The following LRGUK variants were observed in gnomAD, a reference collection of about 807,000 sequenced individuals.
LRGUK encodes leucine rich repeats and guanylate kinase domain containing.
LRGUK carries 65 observed loss-of-function variants against 76.0 expected under a neutral mutation model. The observed-to-expected ratio is 0.85, with a 90% CI of 0.70 to 1.05. The LOEUF (loss-of-function observed/expected upper bound fraction) is 1.05. Among genes scored for constraint, LRGUK ranks in the 50% least tolerant of loss-of-function variants. The pLI, the probability that LRGUK is intolerant of heterozygous loss-of-function variation, is 0.00. For synonymous variants in LRGUK, 268 were observed against 265.6 expected (o/e 1.01, Z -0.09); for missense variants, 758 against 732.8 (o/e 1.03, Z -0.40).
At chr7:134,193,251 A>C (rs1800334284) in intron 12 of LRGUK, among the ~76,000 whole-genome samples, 1 of 152,198 alleles carries the variant, frequency 6.6e-6, no homozygotes, top group Non-Finnish European at 1.5e-5. Flanking sequence ...GTACTCTGGG[A>C]CTTTATGTTT....
intron 3 of LRGUK, chr7:134,141,535 G>A (rs886069366): frequency 6.6e-6 from 1 of 152,322 alleles, no homozygotes; most frequent in Non-Finnish European, 1.5e-5. Flanking sequence ...CCCAGACCAA[G>A]GACTTTTTTC....
chr7:134,170,314 A>G (rs929814211), intron 7 of LRGUK, among the ~76,000 whole-genome samples: 32 of 151,986 alleles, frequency 2.1e-4, no homozygotes, highest in African/African-American at 7.2e-4. Context: ...ATTTTTATGA[A>G]GTCTTTCTCT....
chr7:134,202,094 T>C (rs1254040075), intron 15 of LRGUK, among the ~76,000 whole-genome samples: 1 of 152,170 alleles, frequency 6.6e-6, no homozygotes, highest in East Asian at 1.9e-4. Flanking sequence ...AGCTTCAGTT[T>C]ACTGTTCTGC....
intron 11 of LRGUK, among the ~76,000 whole-genome samples, chr7:134,188,940 C>G (rs1442655194): frequency 6.6e-6 from 1 of 152,182 alleles, no homozygotes; most frequent in Non-Finnish European, 1.5e-5. Flanking sequence ...CATCCACCTG[C>G]TAGCTCTTCT....
At chr7:134,131,055 A>G (rs900055585) in intron 1 of LRGUK, among the ~76,000 whole-genome samples, 1 of 152,224 alleles carries the variant, frequency 6.6e-6, no homozygotes, top group Non-Finnish European at 1.5e-5. Flanking sequence ...TTTAGCCTTC[A>G]TTGAACAAGC....
intron 5 of LRGUK, among the ~76,000 whole-genome samples, chr7:134,156,894 G>T (rs775986471): frequency 1.3e-5 from 2 of 152,162 alleles, no homozygotes; most frequent in African/African-American, 2.4e-5. Flanking sequence ...CAAAAAAATG[G>T]CAGGTCTTGG....
chr7:134,226,329 C>T (rs1473867678), intron 16 of LRGUK, among the ~76,000 whole-genome samples: 1 of 151,930 alleles, frequency 6.6e-6, no homozygotes. Context: ...TTCTTTCTCT[C>T]CCGCTCAAAT....
At chr7:134,227,282 G>A (rs1029451373) in intron 16 of LRGUK, among the ~76,000 whole-genome samples, 12 of 152,096 alleles carry the variant, frequency 7.9e-5, no homozygotes, top group East Asian at 5.8e-4. Flanking sequence ...TAAACTTAGC[G>A]AACGATGCTT....
chr7:134,128,717 T>A (rs1797142787), intron 1 of LRGUK, among the ~76,000 whole-genome samples: 1 of 152,116 alleles, frequency 6.6e-6, no homozygotes, highest in Admixed American at 6.5e-5. Context: ...GCCCAGCTAA[T>A]TTTTTATATT....
intron 8 of LRGUK, among the ~76,000 whole-genome samples, chr7:134,176,244 G>C (rs966263979): frequency 6.6e-6 from 1 of 152,268 alleles, no homozygotes; most frequent in East Asian, 1.9e-4. Context: ...AGGAGGGAGA[G>C]TATCAGGATA....
At chr7:134,267,925 TA>T (rs34178912), downstream of LRGUK, among the ~76,000 whole-genome samples, 6 of 150,768 alleles carry the variant, frequency 4.0e-5, no homozygotes, top group Admixed American at 6.6e-5. Context: ...AATCTAAAAT[TA>T]AAAAAAAATA....
At chr7:134,175,458 C>CCTT (rs1799440647) in intron 8 of LRGUK, among the ~76,000 whole-genome samples, 1 of 152,262 alleles carries the variant, frequency 6.6e-6, no homozygotes, top group Admixed American at 6.5e-5. Context: ...AATTTAAAAG[C>CCTT]ATTTCTGGAA....
At chr7:134,262,886 A>G (rs917567380) in intron 19 of LRGUK, among the ~76,000 whole-genome samples, 3 of 147,672 alleles carry the variant, frequency 2.0e-5, no homozygotes. Context: ...CATGAGAATC[A>G]TTTGAACCCG....
chr7:134,166,320 C>T (rs1423183219), intron 7 of LRGUK, among the ~76,000 whole-genome samples: 1 of 152,088 alleles, frequency 6.6e-6, no homozygotes, highest in East Asian at 1.9e-4. Context: ...GAATGTTTAC[C>T]ATCAGCTGGG....
chr7:134,155,683 T>C (rs1798422692), intron 5 of LRGUK, among the ~76,000 whole-genome samples: 1 of 152,224 alleles, frequency 6.6e-6, no homozygotes, highest in African/African-American at 2.4e-5. Flanking sequence ...TGCTTTATAA[T>C]TGTGAGGTGA....
downstream of LRGUK, among the ~76,000 whole-genome samples, chr7:134,213,638 C>T (rs1015752814): frequency 6.6e-6 from 1 of 152,042 alleles, no homozygotes; most frequent in African/African-American, 2.4e-5. Flanking sequence ...AAAAGGGAAG[C>T]GATAAGCCAA....
exon 18 of LRGUK, chr7:134,249,050 T>G: frequency 6.3e-7 from 1 of 1,590,312 alleles, no homozygotes; most frequent in Non-Finnish European, 8.6e-7. Context: ...ATTTTAAACC[T>G]CCATTTGGAC....
chr7:134,156,048 A>G (rs1798440463), intron 5 of LRGUK, among the ~76,000 whole-genome samples: 1 of 152,228 alleles, frequency 6.6e-6, no homozygotes, highest in African/African-American at 2.4e-5. Context: ...AATTGCCTCT[A>G]AAGTGGCTAT....
chr7:134,248,925 T>G (rs1802375512), intron 17 of LRGUK, 26 bp from the exon 18 acceptor site: 1 of 1,428,276 alleles, frequency 7.0e-7, no homozygotes, highest in Non-Finnish European at 9.2e-7. Context: ...TTTGGTTTTT[T>G]TTTTTTTTTA....
Sources: gnomAD v4.1 joint callset for allele counts (sites outside exome capture counted in the v4.1 genomes callset) on GRCh38, gnomAD v4.1.1 for gene constraint, MANE v1.5 for transcripts, NCBI Gene and HGNC (gene_info 2026-07-23, HGNC 2026-07-21) for gene names.